Variants in MAP3K7 observed in about 807,000 individuals in gnomAD.
MAP3K7 encodes mitogen-activated protein kinase kinase kinase 7, also known as TGF-beta activated kinase 1.
In MAP3K7, 21 loss-of-function variants were observed where a neutral mutation model predicts 84.8. That is an observed-to-expected ratio of 0.25 (90% CI 0.18 to 0.36). The LOEUF is 0.36. Ranked by LOEUF, MAP3K7 falls within the 10% of genes least tolerant of loss-of-function variation. The probability of loss-of-function intolerance (pLI) is 1.00; values close to 1 mark genes in which losing one functional copy is unlikely to be tolerated. For missense variants in MAP3K7, 503 were observed against 747.7 expected, an observed-to-expected ratio of 0.67 and a Z score of 3.82; for synonymous variants, 241 against 247.7, an observed-to-expected ratio of 0.97 and a Z score of 0.25.
Position 90,580,129 on chromosome 6 carries a change from G to A in MAP3K7, c.120+6635C>T, listed in dbSNP as rs112571532. Among the ~76,000 whole-genome samples the A allele has an allele frequency of 2.2e-3, 337 of 152,302 alleles. 1 individual carries two copies. Among genetic ancestry groups the A allele is most frequent in the African/African-American group, 7.6e-3 (315 of 41,552 alleles). ...GGAGAAGATCAGATGTAGAATAATA[G>A]TATGTCTGGACTGCAAAGGCCAAGC... On this transcript the variant is annotated intron_variant, in intron 1 of 16. Transcript: ENST00000369329.
intron 12 of MAP3K7, among the ~76,000 whole-genome samples, chr6:90,543,034 C>T (rs1275712594): frequency 6.6e-6 from 1 of 152,048 alleles, no homozygotes; most frequent in East Asian, 1.9e-4. Context: ...GATTACACTG[C>T]CATCTGTCTA....
At chr6:90,557,115 A>G (rs1776361195) in intron 5 of MAP3K7, among the ~76,000 whole-genome samples, 2 of 152,190 alleles carry the variant, frequency 1.3e-5, no homozygotes, top group Non-Finnish European at 2.9e-5. Context: ...CAATCCCAAA[A>G]CCATTTTTGT....
In MAP3K7 at chr6:90,548,141, T is replaced by C. The variant is rs767139595; in HGVS notation, c.986A>G (p.Asn329Ser). Residue 329 changes from asparagine (N) to serine (S), a missense_variant, in exon 10 of 17, where the codon AAC (asparagine) becomes AGC (serine). By Grantham distance (46) the Asn-to-Ser change is conservative. This residue lies in a region of MAP3K7 where 286 missense variants were observed against 313.6 expected (regional missense o/e 0.91). Transcript: ENST00000369329. Reference sequence around the variant, plus strand: ...TTGCTCCATATTAGTGTCACTTTTGTTACTCGTATTTGTAGAAGCAATGTC... The same window carrying C: ...TTGCTCCATATTAGTGTCACTTTTGCTACTCGTATTTGTAGAAGCAATGTC... The part of the protein sequence containing the change: ...FMDIASTNTS[N>S]KSDTNMEQVP... 3 of 1,611,986 alleles carry C rather than the reference T, an allele frequency of 1.9e-6. No individual in the cohort carries two copies. The highest frequency in any genetic ancestry group is 2.5e-6 in the Non-Finnish European group (3 of 1,178,986).
chr6:90,520,189 T>C (rs1308616579), intron 14 of MAP3K7, among the ~76,000 whole-genome samples: 10 of 152,042 alleles, frequency 6.6e-5, no homozygotes, highest in East Asian at 1.9e-4. Context: ...CCACTGTTAG[T>C]AGACAAAAAA....
intron 6 of MAP3K7, among the ~76,000 whole-genome samples, chr6:90,555,346 C>T (rs1562097300): frequency 1.3e-5 from 2 of 151,990 alleles, no homozygotes; most frequent in South Asian, 2.1e-4. Flanking sequence ...TGCTCCGCCT[C>T]CCGGGTTCAC....
chr6:90,571,497 C>T lies in MAP3K7; in HGVS notation c.231+200G>A, dbSNP rs34963385. On this transcript the variant is annotated intron_variant, in intron 2 of 16. Coordinates refer to ENST00000369329, the MANE Select transcript of MAP3K7 (RefSeq NM_145331.3). The stretch of plus-strand genomic sequence containing the variant: ...GGTGAATTCATTTATGTAGTTAAGT[C>T]GCTTTTCCCCTAATTTTTAATCAGA... Among the ~76,000 whole-genome samples, 739 of 151,990 alleles carry T rather than the reference C, an allele frequency of 4.9e-3. 10 individuals are homozygous for T. The highest frequency in any genetic ancestry group is 0.017 in the African/African-American group (712 of 41,506).
intron 13 of MAP3K7, among the ~76,000 whole-genome samples, chr6:90,526,918 T>C (rs551549020): frequency 1.3e-5 from 2 of 152,096 alleles, no homozygotes; most frequent in East Asian, 3.9e-4. Flanking sequence ...GTAAGGACAG[T>C]GTGAGAAAGA....
chr6:90,550,499 A>T lies in MAP3K7; in HGVS notation c.918T>A (p.Asp306Glu). 6.2e-7 allele frequency: 1 copy of T among 1,611,976 alleles called. No homozygotes were observed. The highest frequency in any genetic ancestry group is 8.5e-7 in the Non-Finnish European group (1 of 1,178,564). Residue 306 changes from aspartate to glutamate, a missense_variant, in exon 9 of 17, where the codon GAT becomes GAA. Transcript: ENST00000369329. Reference sequence around the variant, plus strand: ...TGGTGGCAGAGTTGCTCTGTCCTTCATCTGAATACTGACAAGGATACTGTA... The same window carrying T: ...TGGTGGCAGAGTTGCTCTGTCCTTCTTCTGAATACTGACAAGGATACTGTA... ...EPLQYPCQYSDEGQSNSATST... is the reference protein window; with the variant it reads ...EPLQYPCQYSEEGQSNSATST...
At chr6:90,545,270 A>C (rs149906715) in intron 11 of MAP3K7, among the ~76,000 whole-genome samples, 32 of 152,238 alleles carry the variant, frequency 2.1e-4, no homozygotes, top group African/African-American at 6.7e-4. Context: ...TTTCCAAGTA[A>C]GACAATTCAT....
At chr6:90,518,365 A>G in intron 16 of MAP3K7, 82 bp downstream of exon 16, 1 of 752,730 alleles carries the variant, frequency 1.3e-6, no homozygotes, top group Non-Finnish European at 2.1e-6. Flanking sequence ...AATTCTAAAA[A>G]CTACGTTTTC....
At chr6:90,583,956 A>G (rs1057070533) in intron 1 of MAP3K7, among the ~76,000 whole-genome samples, 14 of 152,216 alleles carry the variant, frequency 9.2e-5, no homozygotes, top group African/African-American at 3.4e-4. Context: ...AACTAATACT[A>G]CTGAGTTACA....
chr6:90,519,382 A>G, intron 14 of MAP3K7, 63 bp from the exon 15 acceptor site: 1 of 1,083,134 alleles, frequency 9.2e-7, no homozygotes, highest in Non-Finnish European at 1.4e-6. Context: ...GAACAGCAAG[A>G]AAGCATGAAT....
At chr6:90,565,856 T>G (rs1776685231) in intron 3 of MAP3K7, among the ~76,000 whole-genome samples, 1 of 152,164 alleles carries the variant, frequency 6.6e-6, no homozygotes, top group African/African-American at 2.4e-5. Flanking sequence ...ATCAAAAAGC[T>G]TATCCACCAC....
chr6:90,514,529 G>A lies in MAP3K7; in HGVS notation c.*1972C>T, dbSNP rs1009391094. 1.7e-5 allele frequency: 2 copies of A among 116,384 alleles called. No individual in the cohort carries two copies. The highest frequency in any genetic ancestry group is 6.8e-5 in the African/African-American group (2 of 29,232). 7.2% of individuals were successfully genotyped at this position (116,384 alleles called of 1,614,324 possible). A position where few individuals can be genotyped will look rare whatever the true frequency, so the allele number is the denominator to read the frequency against. Reference sequence around the variant, plus strand: ...GGATATTTTTATGAAATGACTACATGTAAAAACCATAATAAAATTTCCCTT... The same window carrying A: ...GGATATTTTTATGAAATGACTACATATAAAAACCATAATAAAATTTCCCTT... On this transcript the variant is annotated 3_prime_UTR_variant, in exon 17 of 17. Transcript: ENST00000369329.
At chr6:90,560,769 T>C (rs531557138) in intron 4 of MAP3K7, among the ~76,000 whole-genome samples, 5 of 152,282 alleles carry the variant, frequency 3.3e-5, no homozygotes, top group South Asian at 2.1e-4. Flanking sequence ...TATTCCTACA[T>C]TGAAGTAAAA....
intron 1 of MAP3K7, among the ~76,000 whole-genome samples, chr6:90,582,880 CTTT>C (rs535938524): frequency 4.6e-5 from 6 of 129,154 alleles, no homozygotes; most frequent in African/African-American, 5.9e-5. Flanking sequence ...CTTCTATCAT[CTTT>C]TTTTTTTTTT....
rs151262083 is a variant in MAP3K7 at position 90,516,642 on chromosome 6, G to A, written c.1680C>T (p.Asp560=). The A allele has an allele frequency of 1.9e-6, 3 of 1,609,988 alleles. No homozygotes were observed. In the African/African-American group the frequency reaches 4.0e-5, roughly 22 times the overall value. The change falls in exon 17 of 17, where the codon GAC becomes GAT. Residue 560 remains aspartate, a synonymous_variant. Transcript: ENST00000369329. ...LVAELDQDEK[D]QQNTSRLVQE... is the part of the protein sequence containing the mutation. ...GTACCAGGCGAGATGTATTTTGCTG[G>A]TCCTTTTCATCCTGGTCCAGTTCTG...
chr6:90,573,326 A>G (rs1231858837), intron 1 of MAP3K7, among the ~76,000 whole-genome samples: 1 of 152,158 alleles, frequency 6.6e-6, no homozygotes, highest in African/African-American at 2.4e-5. Context: ...CCTGGCACAA[A>G]ACTCTTCTAT....
intron 14 of MAP3K7, among the ~76,000 whole-genome samples, chr6:90,521,470 G>A (rs1311562843): frequency 1.3e-5 from 2 of 152,038 alleles, no homozygotes; most frequent in African/African-American, 4.8e-5. Flanking sequence ...TATGGCTAAA[G>A]AAAAGTCTCA....
Sources: gnomAD v4.1 joint callset for allele counts (sites outside exome capture counted in the v4.1 genomes callset) on GRCh38, gnomAD v4.1.1 for gene constraint, gnomAD v4.1.1 regional missense constraint, MANE v1.5 for transcripts, NCBI Gene and HGNC (gene_info 2026-07-23, HGNC 2026-07-21) for gene names.